Variants in PAK5 observed in about 807,000 individuals in gnomAD.
PAK5 encodes p21 (RAC1) activated kinase 5, also known as serine/threonine-protein kinase PAK 5.
In PAK5, 16 loss-of-function variants were observed where a neutral mutation model predicts 65.9. The observed-to-expected ratio is 0.24, with a 90% CI of 0.16 to 0.37. The LOEUF is 0.37. PAK5 is among the 10% of genes least tolerant of loss of function. PAK5 has a pLI of 1.00. For missense variants in PAK5, 785 were observed against 903.9 expected (o/e 0.87, Z 1.69); for synonymous variants, 371 against 354.9 (o/e 1.05, Z -0.51).
At chr20:9,627,705 C>A (rs1192778194) in intron 3 of PAK5, among the ~76,000 whole-genome samples, 2 of 152,118 alleles carry the variant, frequency 1.3e-5, no homozygotes, top group Non-Finnish European at 2.9e-5. Flanking sequence ...CTGCTTACTG[C>A]AACCTCCGCC....
At position 9,542,631 on chromosome 20, in the gene PAK5, C is replaced by T. The variant is rs762524903; in HGVS notation, c.1959G>A (p.Arg653=). Residue 653 remains arginine (R), a synonymous_variant, in exon 9 of 10, where the codon CGG becomes CGA. Transcript: ENST00000353224. ...YFNEPPLQAM[R]RIRDSLPPRV... Reference sequence around the variant, plus strand: ...TTGGAGGTAAACTGTCCCGGATCCTCCGCATCGCCTGGAGGGGAGGCTCAT... The same window carrying T: ...TTGGAGGTAAACTGTCCCGGATCCTTCGCATCGCCTGGAGGGGAGGCTCAT... 2.4e-5 allele frequency: 38 copies of T among 1,613,992 alleles called. No individual in the cohort carries two copies. The highest frequency in any genetic ancestry group is 3.1e-5 in the Non-Finnish European group (37 of 1,180,004).
At chr20:9,665,031 T>G (rs899016081) in intron 2 of PAK5, among the ~76,000 whole-genome samples, 4 of 149,744 alleles carry the variant, frequency 2.7e-5, no homozygotes, top group Admixed American at 6.8e-5. Flanking sequence ...CACCTCAGCC[T>G]CCCAAGTAGC....
intron 2 of PAK5, among the ~76,000 whole-genome samples, chr20:9,671,812 T>G (rs2047502478): frequency 6.6e-6 from 1 of 152,020 alleles, no homozygotes; most frequent in African/African-American, 2.4e-5. Context: ...CAACACTATG[T>G]TGAATAGGAG....
At chr20:9,589,425 C>T (rs1264506995) in intron 3 of PAK5, among the ~76,000 whole-genome samples, 1 of 152,142 alleles carries the variant, frequency 6.6e-6, no homozygotes, top group Non-Finnish European at 1.5e-5. Context: ...TTTTCACTCG[C>T]TATTACCAAT....
At chr20:9,633,321 T>C (rs1230872537) in intron 3 of PAK5, among the ~76,000 whole-genome samples, 1 of 152,004 alleles carries the variant, frequency 6.6e-6, no homozygotes, top group East Asian at 1.9e-4. Context: ...GTGAGAAAAA[T>C]GAAAAATTGA....
intron 7 of PAK5, among the ~76,000 whole-genome samples, chr20:9,549,942 A>T (rs2045401047): frequency 6.6e-6 from 1 of 152,168 alleles, no homozygotes; most frequent in Non-Finnish European, 1.5e-5. Context: ...GACCACAGAC[A>T]GTTTCTATGA....
chr20:9,603,824 A>G (rs1377334463), intron 3 of PAK5, among the ~76,000 whole-genome samples: 2 of 152,090 alleles, frequency 1.3e-5, no homozygotes, highest in Non-Finnish European at 2.9e-5. Context: ...GTGGAAACTG[A>G]GTCTTGAGCC....
At chr20:9,654,841 A>T (rs111778540) in intron 2 of PAK5, among the ~76,000 whole-genome samples, 1 of 151,958 alleles carries the variant, frequency 6.6e-6, no homozygotes, top group Admixed American at 6.6e-5. Context: ...CCACCCTCTC[A>T]TCTTGACCCT....
intron 5 of PAK5, among the ~76,000 whole-genome samples, chr20:9,563,949 G>T (rs570844215): frequency 6.6e-6 from 1 of 152,278 alleles, no homozygotes; most frequent in Non-Finnish European, 1.5e-5. Flanking sequence ...GAGTGCATTT[G>T]TACAGTGCCT....
intron 7 of PAK5, among the ~76,000 whole-genome samples, chr20:9,552,808 A>T (rs1263933076): frequency 6.6e-6 from 1 of 151,830 alleles, no homozygotes; most frequent in Admixed American, 6.6e-5. Context: ...TGCAGCCTTA[A>T]ACTCTAGGGC....
At chr20:9,727,236 T>A (rs2048287469) in intron 1 of PAK5, among the ~76,000 whole-genome samples, 1 of 152,184 alleles carries the variant, frequency 6.6e-6, no homozygotes, top group South Asian at 2.1e-4. Context: ...AATTAAATAC[T>A]ATCAAAAGTG....
intron 2 of PAK5, among the ~76,000 whole-genome samples, chr20:9,653,023 A>G (rs1287977038): frequency 6.6e-6 from 1 of 152,202 alleles, no homozygotes. Flanking sequence ...CCTCAACATC[A>G]TCAGACCTTT....
intron 1 of PAK5, among the ~76,000 whole-genome samples, chr20:9,732,032 A>T (rs912866916): frequency 2.0e-4 from 31 of 152,124 alleles, no homozygotes; most frequent in Non-Finnish European, 3.8e-4. Flanking sequence ...ACATGTAAGG[A>T]TTTTCTCTTG....
intron 3 of PAK5, among the ~76,000 whole-genome samples, chr20:9,642,530 T>G (rs1397753538): frequency 6.6e-6 from 1 of 152,216 alleles, no homozygotes; most frequent in African/African-American, 2.4e-5. Context: ...TTGCATTTTC[T>G]GGGTTTTGTA....
chr20:9,707,239 C>T (rs2048020276), intron 2 of PAK5, among the ~76,000 whole-genome samples: 1 of 152,084 alleles, frequency 6.6e-6, no homozygotes, highest in African/African-American at 2.4e-5. Context: ...CCCACCTCAG[C>T]CTCCAAAGCA....
intron 1 of PAK5, among the ~76,000 whole-genome samples, chr20:9,777,543 C>T (rs965913581): frequency 6.6e-6 from 1 of 152,184 alleles, no homozygotes; most frequent in Non-Finnish European, 1.5e-5. Flanking sequence ...TCAATAAAAT[C>T]TCTTTCCTTT....
intron 3 of PAK5, among the ~76,000 whole-genome samples, chr20:9,585,195 GC>G (rs1170943805): frequency 6.6e-6 from 1 of 151,740 alleles, no homozygotes; most frequent in African/African-American, 2.4e-5. Flanking sequence ...TTTCTTGCCT[GC>G]CCCCCATGCC....
chr20:9,685,446 A>G (rs1448893571), intron 2 of PAK5, among the ~76,000 whole-genome samples: 1 of 152,206 alleles, frequency 6.6e-6, no homozygotes, highest in Non-Finnish European at 1.5e-5. Context: ...AGGGAGAACC[A>G]CAAATAATCA....
chr20:9,697,772 C>A (rs550740185), intron 2 of PAK5, among the ~76,000 whole-genome samples: 3 of 152,014 alleles, frequency 2.0e-5, no homozygotes, highest in Admixed American at 6.6e-5. Flanking sequence ...AAAAAGGAAG[C>A]TTTTAGACAA....
Sources: allele counts gnomAD v4.1 joint callset (sites outside exome capture counted in the v4.1 genomes callset), GRCh38; gene constraint gnomAD v4.1.1; transcripts MANE v1.5; gene names NCBI Gene and HGNC (gene_info 2026-07-23, HGNC 2026-07-21).